Variants in WDFY4 observed in about 807,000 individuals in gnomAD.
WDFY4 encodes WD repeat- and FYVE domain-containing protein 4.
In WDFY4, 169 loss-of-function variants were observed where a neutral mutation model predicts 351.9. That is an observed-to-expected ratio of 0.48 (90% confidence interval 0.42 to 0.55). The LOEUF (loss-of-function observed/expected upper bound fraction) is 0.55, where lower values mean the gene tolerates loss of function less well. WDFY4 is among the 20% of genes least tolerant of loss of function. The pLI is 0.00. For synonymous variants in WDFY4, 1,622 were observed against 1,574.6 expected, an observed-to-expected ratio of 1.03 and a Z score of -0.71; for missense variants, 3,803 against 3,935.6, an observed-to-expected ratio of 0.97 and a Z score of 0.90.
At chr10:48,903,658 A>G (rs1397557657) in intron 47 of WDFY4, among the ~76,000 whole-genome samples, 1 of 152,226 alleles carries the variant, frequency 6.6e-6, no homozygotes, top group East Asian at 1.9e-4. Context: ...ATGATCAGAG[A>G]AAGAGTGGCT....
At chr10:48,830,655 G>A (rs2068158387) in intron 37 of WDFY4, 45 bp from the exon 38 acceptor site, 5 of 1,532,740 alleles carry the variant, frequency 3.3e-6, no homozygotes, top group Non-Finnish European at 4.4e-6. Context: ...TCTCTGGGAG[G>A]GTCACTGAGG....
At chr10:48,824,641 A>AT (rs930038292) in intron 35 of WDFY4, among the ~76,000 whole-genome samples, 14 of 151,510 alleles carry the variant, frequency 9.2e-5, no homozygotes, top group African/African-American at 2.9e-4. Flanking sequence ...GGTCATGTCA[A>AT]TTTTTTTTTA....
In WDFY4 at chr10:48,963,161, G is replaced by T. The variant is rs190212509; in HGVS notation, c.8224-681G>T. On this transcript the variant is annotated intron_variant, in intron 53 of 61. Coordinates refer to ENST00000325239, the MANE Select transcript of WDFY4 (RefSeq NM_001394531.1). ...CCCTAGAAGTGGGTTAATTATACCT[G>T]CCACCAAAAGGCGGTGTTCATGGGA... is the stretch of plus-strand genomic sequence containing the variant. 8.5e-5 allele frequency among the ~76,000 whole-genome samples: 13 copies of T among 152,298 alleles called. No homozygotes were observed. In the East Asian group the frequency reaches 2.5e-3, roughly 29 times the overall value.
intron 47 of WDFY4, among the ~76,000 whole-genome samples, chr10:48,922,570 C>T (rs1273050017): frequency 6.6e-6 from 1 of 152,096 alleles, no homozygotes; most frequent in Non-Finnish European, 1.5e-5. Flanking sequence ...CTTACGGTGC[C>T]TAACTCGTAA....
At chr10:48,981,176 C>T (rs1396337975) in intron 60 of WDFY4, among the ~76,000 whole-genome samples, 191 bp from the exon 61 acceptor site, 1 of 152,230 alleles carries the variant, frequency 6.6e-6, no homozygotes, top group African/African-American at 2.4e-5. Context: ...TCACCGCCTG[C>T]AAATTAAATT....
intron 5 of WDFY4, among the ~76,000 whole-genome samples, 155 bp from the exon 6 acceptor site, chr10:48,725,726 C>T (rs2064246375): frequency 6.6e-6 from 1 of 152,150 alleles, no homozygotes; most frequent in South Asian, 2.1e-4. Context: ...GCTCTGTTGA[C>T]CCTGCTGGTC....
In WDFY4 at chr10:48,982,934, AAAGC is replaced by A. The variant is rs1842866949; in HGVS notation, c.*362_*365del. The A allele has an allele frequency of 1.7e-5, 6 of 356,332 alleles. No homozygotes were observed. The highest frequency in any genetic ancestry group is 1.3e-4 in the South Asian group (6 of 46,326). The allele number at this position is 356,332 out of a possible 1,614,324, so 22.1% of individuals were successfully genotyped here. On this transcript the variant is annotated 3_prime_UTR_variant, in exon 62 of 62. Transcript: ENST00000325239. ...ATTATTGTATTGTCTTTATTTTATT[AAAGC>A]AACTATGTTTTAAATGCAGAAGGGC...
intron 24 of WDFY4, among the ~76,000 whole-genome samples, chr10:48,800,970 T>A (rs1169283043): frequency 6.6e-6 from 1 of 152,072 alleles, no homozygotes; most frequent in African/African-American, 2.4e-5. Flanking sequence ...TGACCTCAGA[T>A]GGTCCACCCA....
intron 33 of WDFY4, 51 bp downstream of exon 33, chr10:48,820,488 T>G: frequency 6.5e-7 from 1 of 1,526,838 alleles, no homozygotes; most frequent in Non-Finnish European, 8.9e-7. Flanking sequence ...GCTGCCGGCA[T>G]ACCGGCACTG....
intron 24 of WDFY4, chr10:48,801,507 A>G (rs751310617): frequency 2.2e-6 from 1 of 456,826 alleles, no homozygotes; most frequent in South Asian, 1.5e-5. Flanking sequence ...CCCTACAGAC[A>G]TGTATGTTGG....
At chr10:48,873,460 T>G (rs535467460) in intron 40 of WDFY4, 31 bp from the exon 41 acceptor site, 2 of 1,513,704 alleles carry the variant, frequency 1.3e-6, no homozygotes, top group Non-Finnish European at 1.8e-6. Context: ...AAGGCAAATG[T>G]ATCCAGGGTG....
chr10:48,938,303 A>G (rs2940734), intron 47 of WDFY4, among the ~76,000 whole-genome samples: 147,742 of 152,376 alleles, frequency 0.97, 71,805 homozygotes, highest in East Asian at 1. Flanking sequence ...TGTCTGCCAT[A>G]TTAGGGCTAC....
intron 30 of WDFY4, among the ~76,000 whole-genome samples, chr10:48,812,193 T>TTG (rs1182938090): frequency 6.7e-5 from 10 of 148,954 alleles, no homozygotes; most frequent in Non-Finnish European, 1.5e-4. Context: ...TTTTTTTGTT[T>TTG]TTTTTGTTTT....
intron 47 of WDFY4, among the ~76,000 whole-genome samples, chr10:48,914,634 G>A (rs1838335182): frequency 6.6e-6 from 1 of 152,124 alleles, no homozygotes; most frequent in South Asian, 2.1e-4. Context: ...ACAAGTTCCT[G>A]GGGAGGGACT....
Position 48,946,885 on chromosome 10 carries a change from C to T in WDFY4, c.7893C>T (p.Tyr2631=), listed in dbSNP as rs1841069512. 1 of 1,551,970 alleles carries T rather than the reference C, an allele frequency of 6.4e-7. No homozygotes were observed. The highest frequency in any genetic ancestry group is 2.4e-5 in the East Asian group (1 of 40,934). The change falls in exon 51 of 62, where the codon TAC becomes TAT. Residue 2631 remains tyrosine (Y), a synonymous_variant. Transcript: ENST00000325239. ...GAGACATGACTGTCCAGTGCCACTA[C>T]TACACCCACTACTCCTCGGCCATCA... The part of the protein sequence containing the change: ...TEGDMTVQCH[Y]YTHYSSAIIV...
intron 7 of WDFY4, among the ~76,000 whole-genome samples, chr10:48,728,400 C>T (rs2064340599): frequency 6.6e-6 from 1 of 152,206 alleles, no homozygotes; most frequent in African/African-American, 2.4e-5. Flanking sequence ...CAAAGAAATG[C>T]CTTGATGGCC....
chr10:48,886,750 A>G (rs143263731), intron 43 of WDFY4, among the ~76,000 whole-genome samples: 33 of 152,344 alleles, frequency 2.2e-4, no homozygotes, highest in African/African-American at 7.7e-4. Context: ...TCGCTCCAGC[A>G]TTTTGTTGAT....
At chr10:48,860,681 A>G (rs1011788178) in intron 39 of WDFY4, among the ~76,000 whole-genome samples, 3 of 152,192 alleles carry the variant, frequency 2.0e-5, no homozygotes, top group Non-Finnish European at 2.9e-5. Context: ...TGTCCTCTCA[A>G]TAGTGATTTA....
At chr10:48,944,358 C>A (rs1840936672) in intron 49 of WDFY4, among the ~76,000 whole-genome samples, 1 of 152,178 alleles carries the variant, frequency 6.6e-6, no homozygotes, top group African/African-American at 2.4e-5. Context: ...CACCCCTGCG[C>A]CCCAGCAGGC....
Sources: gnomAD v4.1 joint callset for allele counts (sites outside exome capture counted in the v4.1 genomes callset) on GRCh38, gnomAD v4.1.1 for gene constraint, MANE v1.5 for transcripts, NCBI Gene and HGNC (gene_info 2026-07-23, HGNC 2026-07-21) for gene names.